The following SIGLEC15 variants were observed in gnomAD, a reference collection of about 807,000 sequenced individuals.
SIGLEC15 encodes the protein sialic acid binding Ig like lectin 15.
SIGLEC15 carries 31 observed loss-of-function variants against 26.2 expected under a neutral mutation model. That is an observed-to-expected ratio of 1.18 (90% CI 0.89 to 1.60). SIGLEC15 has a LOEUF of 1.60. Among genes scored for constraint, SIGLEC15 ranks in the 40% most tolerant of loss-of-function variants. The pLI is 0.00. For missense variants in SIGLEC15, 501 were observed against 488.4 expected (o/e 1.03, Z -0.24); for synonymous variants, 207 against 221.9 (o/e 0.93, Z 0.60).
In SIGLEC15 at chr18:45,837,500, GC is replaced by G; in HGVS notation, c.113-9del. 2 of 1,477,226 alleles carry G rather than the reference GC, an allele frequency of 1.4e-6. No homozygotes were observed. The highest frequency in any genetic ancestry group is 1.8e-6 in the Non-Finnish European group (2 of 1,124,860). 91.5% of individuals were successfully genotyped at this position (1,477,226 alleles called of 1,614,324 possible). A position where few individuals can be genotyped will look rare whatever the true frequency, so the allele number is the denominator to read the frequency against. ...CAGGGCCCCGAGCCTGACGCAGCCC[GC>G]CCCGCCCTCAGGCTCGCCAGCGCAG... On this transcript the variant is annotated splice_polypyrimidine_tract_variant and intron_variant, in intron 2 of 5. Coordinates refer to ENST00000389474, the MANE Select transcript of SIGLEC15 (RefSeq NM_213602.3).
At chr18:45,832,797 G>A (rs896697215) in intron 1 of SIGLEC15, among the ~76,000 whole-genome samples, 3 of 152,144 alleles carry the variant, frequency 2.0e-5, no homozygotes, top group South Asian at 4.2e-4. Context: ...CAGGATGCTG[G>A]GGAGCTTGTA....
At chr18:45,830,752 A>ATT (rs34498635) in intron 1 of SIGLEC15, among the ~76,000 whole-genome samples, 68,149 of 117,874 alleles carry the variant, frequency 0.58, 20,347 homozygotes, top group East Asian at 0.86. Flanking sequence ...TGCCAGGCTA[A>ATT]TTTTTTTTTT....
chr18:45,844,028 G>C lies in SIGLEC15; in HGVS notation c.*1841G>C, dbSNP rs2048346216. 1 of 151,908 alleles carries C rather than the reference G, an allele frequency of 6.6e-6. No homozygotes were observed. Among genetic ancestry groups the C allele is most frequent in the African/African-American group, 2.4e-5 (1 of 41,318 alleles). The allele number at this position is 151,908 out of a possible 1,614,324, so 9.4% of individuals were successfully genotyped here. A position where few individuals can be genotyped will look rare whatever the true frequency, so the allele number is the denominator to read the frequency against. Reference sequence around the variant, plus strand: ...TAGCCAAGATATGGAATCAGCCTAAGTGTCCATCCACGAATGAATGAAGAA... The same window carrying C: ...TAGCCAAGATATGGAATCAGCCTAACTGTCCATCCACGAATGAATGAAGAA... On this transcript the variant is annotated 3_prime_UTR_variant, in exon 6 of 6. Transcript: ENST00000389474.
intron 1 of SIGLEC15, among the ~76,000 whole-genome samples, chr18:45,826,966 G>A (rs515373): frequency 0.49 from 74,337 of 151,990 alleles, 18,287 homozygotes; most frequent in East Asian, 0.53. Context: ...CCAGGCTGGA[G>A]TGCAGTGGCG....
chr18:45,831,166 G>A (rs1010549033), intron 1 of SIGLEC15, among the ~76,000 whole-genome samples: 1 of 152,140 alleles, frequency 6.6e-6, no homozygotes, highest in Non-Finnish European at 1.5e-5. Context: ...TTGCGGCAGT[G>A]AACCCCTCCA....
intron 1 of SIGLEC15, among the ~76,000 whole-genome samples, chr18:45,835,941 C>T (rs2048272452): frequency 1.3e-5 from 2 of 152,312 alleles, no homozygotes; most frequent in Admixed American, 6.5e-5. Context: ...CCAGGATAGT[C>T]ATGACAAGAC....
intron 1 of SIGLEC15, among the ~76,000 whole-genome samples, chr18:45,830,953 A>G (rs1255465548): frequency 6.6e-6 from 1 of 152,138 alleles, no homozygotes; most frequent in African/African-American, 2.4e-5. Flanking sequence ...TTATCCAAGT[A>G]TCATTTTCAG....
intron 5 of SIGLEC15, among the ~76,000 whole-genome samples, 153 bp downstream of exon 5, chr18:45,840,394 GCACC>G (rs2048315716): frequency 6.6e-6 from 1 of 152,062 alleles, no homozygotes; most frequent in Non-Finnish European, 1.5e-5. Flanking sequence ...GCCCACCAAG[GCACC>G]CCTCTTGCAG....
At position 45,838,795 on chromosome 18, in the gene SIGLEC15, G is replaced by A. The variant is rs1352222520; in HGVS notation, c.574G>A (p.Glu192Lys). The A allele has an allele frequency of 1.3e-6, 2 of 1,560,868 alleles. No individual in the cohort carries two copies. The highest frequency in any genetic ancestry group is 1.2e-5 in the South Asian group (1 of 86,250). ...CCGCGCGCTCTGCACTGCCGAAGGG[G>A]AGCCGCCGCCCGCCCTCGCCTGGTC... ...AFRALCTAEG[E>K]PPPALAWSGP... The change falls in exon 4 of 6, where the codon GAG becomes AAG. Residue 192 changes from glutamate (E) to lysine (K), a missense_variant. Glu to Lys is a moderately conservative substitution (Grantham distance 56, BLOSUM62 1). Coordinates refer to ENST00000389474, the MANE Select transcript of SIGLEC15 (RefSeq NM_213602.3).
intron 1 of SIGLEC15, chr18:45,829,014 G>A: frequency 2.3e-6 from 2 of 862,860 alleles, no homozygotes; most frequent in Non-Finnish European, 2.8e-6. Context: ...AGTCCTATCT[G>A]GGGCGGGAAG....
In SIGLEC15 at chr18:45,840,590, C is replaced by T. The variant is rs1330523685; in HGVS notation, c.905+349C>T. On this transcript the variant is annotated intron_variant, in intron 5 of 5. Coordinates refer to ENST00000389474, the MANE Select transcript of SIGLEC15 (RefSeq NM_213602.3). ...GGCACTCTGCTGAAGGCTTTGCAAA[C>T]AAAATCTCTAGAGGTTCTGAGAGCC... Among the ~76,000 whole-genome samples the T allele has an allele frequency of 2.0e-5, 3 of 152,220 alleles. 1 individual carries two copies. Among genetic ancestry groups the T allele is most frequent in the East Asian group, 1.9e-4 (1 of 5,194 alleles).
Position 45,838,930 on chromosome 18 carries a change from T to G in SIGLEC15, c.709T>G (p.Cys237Gly), listed in dbSNP as rs778185127. The G allele has an allele frequency of 6.2e-7, 1 of 1,604,490 alleles. No individual in the cohort carries two copies. Among genetic ancestry groups the G allele is most frequent in the Non-Finnish European group, 8.5e-7 (1 of 1,178,476 alleles). Residue 237 changes from cysteine to glycine, a missense_variant, in exon 4 of 6, where the codon TGT (cysteine) becomes GGT (glycine). By Grantham distance (159) the Cys-to-Gly change is radical. Coordinates refer to ENST00000389474, the MANE Select transcript of SIGLEC15 (RefSeq NM_213602.3). ...PALTHDGRYT[C>G]TAANSLGRSE... ...ACTGACCCATGACGGCCGCTACACGTGTACGGCCGCCAACAGCCTGGGCCG... is the reference window on the plus strand; with the variant it reads ...ACTGACCCATGACGGCCGCTACACGGGTACGGCCGCCAACAGCCTGGGCCG...
At chr18:45,840,128 C>A in intron 4 of SIGLEC15, 83 bp from the exon 5 acceptor site, 2 of 1,514,024 alleles carry the variant, frequency 1.3e-6, no homozygotes, top group Non-Finnish European at 1.8e-6. Flanking sequence ...AGACCCCTTC[C>A]ACATGGCATG....
chr18:45,827,507 G>T (rs1199301045), intron 1 of SIGLEC15, among the ~76,000 whole-genome samples: 1 of 152,220 alleles, frequency 6.6e-6, no homozygotes, highest in Admixed American at 6.5e-5. Context: ...ATGGGAGAGG[G>T]GTTGAGGGTG....
intron 1 of SIGLEC15, among the ~76,000 whole-genome samples, chr18:45,827,352 C>A (rs897932479): frequency 6.6e-6 from 1 of 152,204 alleles, no homozygotes; most frequent in African/African-American, 2.4e-5. Context: ...GGCCCCCCCA[C>A]TACCCCACCC....
At chr18:45,838,393 A>G in intron 3 of SIGLEC15, 1 of 452,650 alleles carries the variant, frequency 2.2e-6, no homozygotes, top group Non-Finnish European at 3.9e-6. Flanking sequence ...TCTAGCCCCC[A>G]CCCTGCTCTG....
chr18:45,838,822 G>C lies in SIGLEC15; in HGVS notation c.601G>C (p.Gly201Arg), dbSNP rs1271017442. ...GCCGCCGCCCGCCCTCGCCTGGTCC[G>C]GCCCGGCCCTGGGCAACAGCTTGGC... ...GEPPPALAWS[G>R]PALGNSLAAV... The change falls in exon 4 of 6, where the codon GGC (glycine) becomes CGC (arginine). Residue 201 changes from glycine (G) to arginine (R), a missense_variant. Transcript: ENST00000389474. The C allele has an allele frequency of 1.3e-6, 2 of 1,561,594 alleles. No homozygotes were observed. The highest frequency in any genetic ancestry group is 2.4e-5 in the East Asian group (1 of 42,488).
chr18:45,835,575 A>G (rs2048270209), intron 1 of SIGLEC15, among the ~76,000 whole-genome samples: 1 of 151,686 alleles, frequency 6.6e-6, no homozygotes, highest in Non-Finnish European at 1.5e-5. Flanking sequence ...GAGGTCAGTC[A>G]CTCTCCCACT....
chr18:45,839,122 C>A, intron 4 of SIGLEC15, 27 bp downstream of exon 4: 2 of 1,360,778 alleles, frequency 1.5e-6, no homozygotes, highest in Non-Finnish European at 1.9e-6. Flanking sequence ...CACGGGTGGC[C>A]GCGAGGGGCC....
Sources: allele counts gnomAD v4.1 joint callset (sites outside exome capture counted in the v4.1 genomes callset), GRCh38; gene constraint gnomAD v4.1.1; transcripts MANE v1.5; gene names NCBI Gene and HGNC (gene_info 2026-07-23, HGNC 2026-07-21).